The following CDH18 variants were observed in gnomAD, a reference collection of about 807,000 sequenced individuals.
CDH18 encodes cadherin-18.
Under a neutral mutation model 67.9 loss-of-function variants are expected in CDH18, and 31 were observed. That is an observed-to-expected ratio of 0.46 (90% confidence interval 0.34 to 0.62). The LOEUF (loss-of-function observed/expected upper bound fraction) is 0.62. Among genes scored for constraint, CDH18 ranks in the 20% least tolerant of loss-of-function variants. The probability of loss-of-function intolerance (pLI) is 0.01; values close to 1 mark genes in which losing one functional copy is unlikely to be tolerated. For missense variants in CDH18, 890 were observed against 975.5 expected, an observed-to-expected ratio of 0.91 and a Z score of 1.17; for synonymous variants, 362 against 347.2, an observed-to-expected ratio of 1.04 and a Z score of -0.48.
chr5:20,381,389 T>A (rs1030160590), intron 1 of CDH18, among the ~76,000 whole-genome samples: 1 of 151,986 alleles, frequency 6.6e-6, no homozygotes, highest in Non-Finnish European at 1.5e-5. Context: ...AATGCAGTGA[T>A]ATTTTGGAGG....
chr5:20,375,266 G>A lies in CDH18; in HGVS notation c.-579-119761C>T, dbSNP rs1256121350. On this transcript the variant is annotated intron_variant, in intron 1 of 14. Transcript: ENST00000507958. Reference sequence around the variant, plus strand: ...TCTTTCAAAGTTCCCAAACCTGAATGCTGGGGACAATGATACCTATTATTA... The same window carrying A: ...TCTTTCAAAGTTCCCAAACCTGAATACTGGGGACAATGATACCTATTATTA... 5.9e-5 allele frequency among the ~76,000 whole-genome samples: 9 copies of A among 152,240 alleles called. 1 individual carries two copies. In the South Asian group the frequency reaches 1.9e-3, roughly 32 times the overall value.
intron 2 of CDH18, among the ~76,000 whole-genome samples, chr5:20,212,683 A>T (rs566347597): frequency 6.6e-5 from 10 of 152,012 alleles, no homozygotes; most frequent in African/African-American, 2.4e-4. Flanking sequence ...ACTAAGCTTC[A>T]TAAGTGAAGG....
intron 2 of CDH18, among the ~76,000 whole-genome samples, chr5:20,169,335 T>G (rs1371996950): frequency 6.6e-6 from 1 of 151,992 alleles, no homozygotes; most frequent in African/African-American, 2.4e-5. Flanking sequence ...AAATGGAAAG[T>G]TATACAGTAC....
intron 6 of CDH18, among the ~76,000 whole-genome samples, chr5:19,608,242 C>T (rs1748383148): frequency 6.6e-6 from 1 of 151,506 alleles, no homozygotes; most frequent in Admixed American, 6.6e-5. Flanking sequence ...CAAATATATA[C>T]TGTCATTTTA....
intron 2 of CDH18, among the ~76,000 whole-genome samples, chr5:20,151,775 T>C (rs1280967049): frequency 1.3e-5 from 2 of 152,104 alleles, no homozygotes; most frequent in Non-Finnish European, 2.9e-5. Flanking sequence ...AAAAGGAAGA[T>C]GCAATACTTT....
rs181540596 is a variant in CDH18 at position 19,603,702 on chromosome 5, G to T, written c.811+8732C>A. On this transcript the variant is annotated intron_variant, in intron 6 of 12. Transcript: ENST00000382275. The stretch of plus-strand genomic sequence containing the variant: ...ATATATAATTATCTTCAAAATGCTA[G>T]TTTTGCTTGGATTTTCAGTGTGTGA... 5.4e-3 allele frequency among the ~76,000 whole-genome samples: 811 copies of T among 151,122 alleles called. 2 individuals are homozygous for T. The highest frequency in any genetic ancestry group is 8.8e-3 in the Non-Finnish European group (595 of 67,742).
At chr5:20,118,113 CA>C (rs1748070219) in intron 2 of CDH18, among the ~76,000 whole-genome samples, 2 of 151,980 alleles carry the variant, frequency 1.3e-5, no homozygotes, top group East Asian at 3.9e-4. Context: ...ATGTCATTAG[CA>C]AAAGGTGGTA....
chr5:20,097,536 G>A (rs1400898020), intron 2 of CDH18, among the ~76,000 whole-genome samples: 6 of 152,080 alleles, frequency 3.9e-5, no homozygotes, highest in East Asian at 1.9e-4. Flanking sequence ...GGGATTATGC[G>A]AGCCACAATT....
rs202215654 is a variant in CDH18, at chr5:19,695,520, G to GT, written c.643+25826dup. Among the ~76,000 whole-genome samples the GT allele has an allele frequency of 7.5e-3, 1,139 of 151,944 alleles. 15 individuals carry two copies. The highest frequency in any genetic ancestry group is 0.026 in the African/African-American group (1,078 of 41,422). On this transcript the variant is annotated intron_variant, in intron 5 of 12. Transcript: ENST00000382275. ...TTAAGAGCCTAAAAATGCATTAGAG[G>GT]TTTTTTTTCGCTTGACATACAATCA...
At chr5:19,576,999 C>G (rs551940993) in intron 7 of CDH18, among the ~76,000 whole-genome samples, 72 of 152,234 alleles carry the variant, frequency 4.7e-4, no homozygotes, top group African/African-American at 1.7e-3. Flanking sequence ...CACAGACAGA[C>G]AAATACCATA....
chr5:20,196,757 A>G (rs1450542398), intron 2 of CDH18, among the ~76,000 whole-genome samples: 1 of 152,202 alleles, frequency 6.6e-6, no homozygotes, highest in Non-Finnish European at 1.5e-5. Flanking sequence ...CTACATTCCT[A>G]TGTTCTTCCA....
At chr5:20,169,365 G>A (rs1288336903) in intron 2 of CDH18, among the ~76,000 whole-genome samples, 1 of 152,092 alleles carries the variant, frequency 6.6e-6, no homozygotes, top group African/African-American at 2.4e-5. Context: ...TCTTTTGGTA[G>A]CAGTAGACAT....
chr5:19,958,576 T>C (rs546393172), intron 2 of CDH18, among the ~76,000 whole-genome samples: 207 of 151,840 alleles, frequency 1.4e-3, no homozygotes, highest in African/African-American at 4.8e-3. Flanking sequence ...CTAAGCAGTA[T>C]TGGCTGAATG....
At chr5:20,314,042 G>A (rs187010216) in intron 1 of CDH18, among the ~76,000 whole-genome samples, 1 of 152,062 alleles carries the variant, frequency 6.6e-6, no homozygotes, top group East Asian at 1.9e-4. Context: ...CAATGTGATA[G>A]AATATGCAAA....
At chr5:19,705,466 T>C (rs563243254) in intron 5 of CDH18, among the ~76,000 whole-genome samples, 22 of 152,310 alleles carry the variant, frequency 1.4e-4, no homozygotes, top group African/African-American at 5.1e-4. Context: ...GAGGAGATCC[T>C]AGTCTCAGTT....
intron 1 of CDH18, among the ~76,000 whole-genome samples, chr5:20,312,510 G>A (rs2149991678): frequency 6.6e-6 from 1 of 152,206 alleles, no homozygotes; most frequent in South Asian, 2.1e-4. Context: ...GATTTGCTCA[G>A]CTGTTCATTC....
intron 1 of CDH18, among the ~76,000 whole-genome samples, chr5:20,403,499 A>G (rs1380348243): frequency 6.6e-6 from 1 of 152,218 alleles, no homozygotes; most frequent in East Asian, 1.9e-4. Context: ...GTGTCAATAG[A>G]CATGAAAACA....
At position 20,352,301 on chromosome 5, in the gene CDH18, T is replaced by C. The variant is rs866543366; in HGVS notation, c.-579-96796A>G. Reference sequence around the variant, plus strand: ...ATGAATAGTCAACATATTTTCTCTTTTCTTATCATTTTCTTAATAACATTT... The same window carrying C: ...ATGAATAGTCAACATATTTTCTCTTCTCTTATCATTTTCTTAATAACATTT... On this transcript the variant is annotated intron_variant, in intron 1 of 14. Coordinates refer to the CDH18 transcript ENST00000507958. 2.6e-5 allele frequency among the ~76,000 whole-genome samples: 4 copies of C among 152,214 alleles called. No homozygotes were observed. The Middle Eastern group carries it at 0.01, about 388-fold the overall frequency.
chr5:19,989,235 A>G (rs969617713), upstream of CDH18, among the ~76,000 whole-genome samples: 2 of 152,230 alleles, frequency 1.3e-5, no homozygotes, highest in African/African-American at 4.8e-5. Flanking sequence ...CCCTTGGCAG[A>G]TATAATAAGA....
Sources: allele counts gnomAD v4.1 joint callset (sites outside exome capture counted in the v4.1 genomes callset), GRCh38; gene constraint gnomAD v4.1.1; transcripts MANE v1.5; gene names NCBI Gene and HGNC (gene_info 2026-07-23, HGNC 2026-07-21).